CDS1: variants seen among roughly 807,000 people sequenced by gnomAD.
CDS1 encodes the protein phosphatidate cytidylyltransferase 1.
Under a neutral mutation model 62.1 loss-of-function variants are expected in CDS1, and 41 were observed. The observed-to-expected ratio is 0.66, with a 90% CI of 0.51 to 0.86. The LOEUF (loss-of-function observed/expected upper bound fraction) is 0.86, where lower values mean the gene tolerates loss of function less well. Among genes scored for constraint, CDS1 ranks in the 40% least tolerant of loss-of-function variants. The pLI is 0.00. For synonymous variants in CDS1, 185 were observed against 192.6 expected, an observed-to-expected ratio of 0.96 and a Z score of 0.32; for missense variants, 470 against 550.1, an observed-to-expected ratio of 0.85 and a Z score of 1.46.
rs115074080 is a variant in CDS1, at chr4:84,637,452, A to G, written c.811-1472A>G. Among the ~76,000 whole-genome samples, 535 of 152,260 alleles carry G rather than the reference A, an allele frequency of 3.5e-3. 5 individuals carry two copies. Among genetic ancestry groups the G allele is most frequent in the African/African-American group, 0.012 (488 of 41,558 alleles). On this transcript the variant is annotated intron_variant, in intron 8 of 12. Coordinates refer to ENST00000295887, the MANE Select transcript of CDS1 (RefSeq NM_001263.4). ...CTTATATGGTCAGAGCAGGAGGAAG[A>G]GGGAGAGTGAGGAGGTGCCACAGAC... is the stretch of plus-strand genomic sequence containing the variant.
chr4:84,628,135 A>G (rs1375120964), intron 5 of CDS1, among the ~76,000 whole-genome samples: 2 of 152,114 alleles, frequency 1.3e-5, no homozygotes, highest in Non-Finnish European at 2.9e-5. Context: ...TTGATGGTTT[A>G]GGCAAGTATA....
At chr4:84,640,715 AAG>A (rs1724352941) in intron 9 of CDS1, 121 bp from the exon 10 acceptor site, 1 of 723,352 alleles carries the variant, frequency 1.4e-6, no homozygotes, top group East Asian at 3.2e-5. Context: ...TATTAAGACA[AAG>A]AAATTCTGGC....
chr4:84,620,510 C>T (rs534359209), intron 5 of CDS1, among the ~76,000 whole-genome samples: 59 of 151,172 alleles, frequency 3.9e-4, no homozygotes, highest in Non-Finnish European at 6.9e-4. Flanking sequence ...GCATGAGCCA[C>T]CGCGCCTGGC....
intron 1 of CDS1, among the ~76,000 whole-genome samples, chr4:84,603,740 G>A (rs1006489162): frequency 9.9e-5 from 15 of 152,104 alleles, no homozygotes; most frequent in African/African-American, 3.6e-4. Flanking sequence ...ATAGAGATGA[G>A]GTCCATTTGA....
chr4:84,607,450 G>A (rs1267581292), intron 2 of CDS1, among the ~76,000 whole-genome samples: 1 of 136,894 alleles, frequency 7.3e-6, no homozygotes, highest in Non-Finnish European at 1.5e-5. Context: ...CCGCCCCTCA[G>A]TATCGGGGAC....
chr4:84,630,734 G>C lies in CDS1; in HGVS notation c.581-1085G>C, dbSNP rs989309545. On this transcript the variant is annotated intron_variant, in intron 5 of 12. Transcript: ENST00000295887. ...GTGGGAGGATCGCTTGAGGCCAGGA[G>C]TTCAAGGCTGCAGTGAGCTGTGATT... Among the ~76,000 whole-genome samples, 3 of 152,154 alleles carry C rather than the reference G, an allele frequency of 2.0e-5. No homozygotes were observed. In the East Asian group the frequency reaches 5.8e-4, roughly 29 times the overall value.
intron 8 of CDS1, among the ~76,000 whole-genome samples, chr4:84,636,515 AT>A (rs1232044682): frequency 6.6e-6 from 1 of 152,066 alleles, no homozygotes; most frequent in Non-Finnish European, 1.5e-5. Context: ...GCTCTTCTTT[AT>A]TTTTGTTTAG....
chr4:84,639,169 A>G (rs1249783723), intron 9 of CDS1, among the ~76,000 whole-genome samples, 177 bp downstream of exon 9: 7 of 152,206 alleles, frequency 4.6e-5, no homozygotes, highest in Admixed American at 3.9e-4. Flanking sequence ...TACATATAGA[A>G]TCACCTGAGA....
chr4:84,619,600 T>C lies in CDS1; in HGVS notation c.580+67T>C, dbSNP rs959634224. 4.3e-6 allele frequency: 4 copies of C among 939,854 alleles called. No homozygotes were observed. In the East Asian group the frequency reaches 1.2e-4, roughly 29 times the overall value. 58.2% of individuals were successfully genotyped at this position (939,854 alleles called of 1,614,324 possible). A position where few individuals can be genotyped will look rare whatever the true frequency, so the allele number is the denominator to read the frequency against. Reference sequence around the variant, plus strand: ...TTTTCCATGTTTATTTTTATTTCTGTTATTTTAATTAGTAATTTTTTGGTT... The same window carrying C: ...TTTTCCATGTTTATTTTTATTTCTGCTATTTTAATTAGTAATTTTTTGGTT... On this transcript the variant is annotated intron_variant, in intron 5 of 12. Coordinates refer to ENST00000295887, the MANE Select transcript of CDS1 (RefSeq NM_001263.4).
In CDS1 at chr4:84,624,291, C is replaced by T. The variant is rs74338427; in HGVS notation, c.580+4758C>T. 3.3e-5 allele frequency among the ~76,000 whole-genome samples: 4 copies of T among 119,654 alleles called. No individual in the cohort carries two copies. The East Asian group carries it at 9.9e-4, about 30-fold the overall frequency. 78.5% of individuals were successfully genotyped at this position (119,654 alleles called of 152,430 possible). A position where few individuals can be genotyped will look rare whatever the true frequency, so the allele number is the denominator to read the frequency against. On this transcript the variant is annotated intron_variant, in intron 5 of 12. Transcript: ENST00000295887. ...TCTGTCTCAAAAAAAAAAAAACAAACAAAAAAAAAAAAACTAGTTTTTTTT... is the reference window on the plus strand; with the variant it reads ...TCTGTCTCAAAAAAAAAAAAACAAATAAAAAAAAAAAAACTAGTTTTTTTT...
At chr4:84,614,027 T>G (rs921949608) in intron 3 of CDS1, among the ~76,000 whole-genome samples, 2 of 152,202 alleles carry the variant, frequency 1.3e-5, no homozygotes, top group Non-Finnish European at 2.9e-5. Context: ...ATTTCATCAC[T>G]TTTTGCTTAA....
chr4:84,605,908 G>T (rs1266376128), intron 2 of CDS1, among the ~76,000 whole-genome samples: 1 of 152,064 alleles, frequency 6.6e-6, no homozygotes, highest in East Asian at 1.9e-4. Flanking sequence ...ATATATCAAG[G>T]GTCATGTAGC....
intron 1 of CDS1, among the ~76,000 whole-genome samples, chr4:84,601,871 C>T (rs1234712805): frequency 6.6e-6 from 1 of 152,122 alleles, no homozygotes; most frequent in East Asian, 1.9e-4. Context: ...TGAGATTACA[C>T]CACTGCACTC....
chr4:84,620,514 G>A (rs1227493428), intron 5 of CDS1, among the ~76,000 whole-genome samples: 4 of 151,414 alleles, frequency 2.6e-5, no homozygotes, highest in Admixed American at 6.6e-5. Flanking sequence ...GAGCCACCGC[G>A]CCTGGCCTAA....
chr4:84,591,134 A>C (rs1722580546), intron 1 of CDS1, among the ~76,000 whole-genome samples: 1 of 152,234 alleles, frequency 6.6e-6, no homozygotes, highest in African/African-American at 2.4e-5. Context: ...GTATGAAGAA[A>C]AATTAAGATA....
intron 3 of CDS1, among the ~76,000 whole-genome samples, chr4:84,613,982 T>C (rs1014981092): frequency 6.6e-6 from 1 of 152,230 alleles, no homozygotes; most frequent in Non-Finnish European, 1.5e-5. Context: ...ACCCTATTGT[T>C]AACCACCAAA....
chr4:84,643,148 G>A lies in CDS1; in HGVS notation c.1152+5G>A, dbSNP rs1724442681. ...AAAAGAGCCTTCAAAATCAAGGTGT[G>A]TGTTTAGATTCTTTGTTATATTATT... On this transcript the variant is annotated splice_donor_5th_base_variant and intron_variant, in intron 11 of 12. Transcript: ENST00000295887. The A allele has an allele frequency of 6.2e-7, 1 of 1,611,592 alleles. No homozygotes were observed. Among genetic ancestry groups the A allele is most frequent in the Non-Finnish European group, 8.5e-7 (1 of 1,178,702 alleles).
intron 1 of CDS1, among the ~76,000 whole-genome samples, chr4:84,587,009 T>C (rs1349041328): frequency 6.6e-6 from 1 of 152,090 alleles, no homozygotes; most frequent in Non-Finnish European, 1.5e-5. Context: ...ATTATTGGGA[T>C]ATCCAAGGAA....
intron 3 of CDS1, among the ~76,000 whole-genome samples, chr4:84,612,894 C>A (rs779564775): frequency 1.3e-5 from 2 of 149,226 alleles, no homozygotes; most frequent in Non-Finnish European, 3.0e-5. Context: ...GAGGCTGAGG[C>A]AGGAGAATCG....
Sources: allele counts gnomAD v4.1 joint callset (sites outside exome capture counted in the v4.1 genomes callset), GRCh38; gene constraint gnomAD v4.1.1; transcripts MANE v1.5; gene names NCBI Gene and HGNC (gene_info 2026-07-23, HGNC 2026-07-21).